The following CDON variants were observed in gnomAD, a reference collection of about 807,000 sequenced individuals.
CDON encodes cell adhesion molecule-related/down-regulated by oncogenes.
In CDON, 73 loss-of-function variants were observed where a neutral mutation model predicts 120.9. The observed-to-expected ratio is 0.60, with a 90% confidence interval of 0.50 to 0.73. CDON has a LOEUF of 0.73. Ranked by LOEUF, CDON falls within the 30% of genes least tolerant of loss-of-function variation. The pLI is 0.00. For missense variants in CDON, 1,470 were observed against 1,587.3 expected (o/e 0.93, Z 1.26); for synonymous variants, 566 against 573.5 (o/e 0.99, Z 0.19).
At chr11:126,058,997 A>G (rs960253144) in intron 1 of CDON, among the ~76,000 whole-genome samples, 3 of 152,242 alleles carry the variant, frequency 2.0e-5, no homozygotes, top group Non-Finnish European at 4.4e-5. Flanking sequence ...CATAATCTAA[A>G]TTAGAATTCT....
chr11:125,969,243 C>T (rs1429259884), intron 18 of CDON, among the ~76,000 whole-genome samples: 2 of 152,330 alleles, frequency 1.3e-5, no homozygotes, highest in East Asian at 1.9e-4. Flanking sequence ...GGTGATCCGC[C>T]TGCCTTAGTC....
At chr11:125,964,271 T>C (rs768448369) in intron 18 of CDON, among the ~76,000 whole-genome samples, 5 of 152,228 alleles carry the variant, frequency 3.3e-5, no homozygotes, top group Non-Finnish European at 7.3e-5. Flanking sequence ...TCTATATAAC[T>C]AACCTTATCT....
rs757008392 is a variant in CDON, at chr11:126,003,904, T to C, written c.2024A>G (p.Lys675Arg). 4 of 1,614,066 alleles carry C rather than the reference T, an allele frequency of 2.5e-6. No homozygotes were observed. Among genetic ancestry groups the C allele is most frequent in the Non-Finnish European group, 3.4e-6 (4 of 1,179,924 alleles). ...CTCCAAAGGAAGCCCTCACTCACCTTTGCTGGTTCGGAAGGTAAGCATGGC... is the reference window on the plus strand; with the variant it reads ...CTCCAAAGGAAGCCCTCACTCACCTCTGCTGGTTCGGAAGGTAAGCATGGC... ...QPAMLTFRTS[K>R]EKTASSKNTQ... The change falls in exon 10 of 20, where the codon AAA (lysine) becomes AGA (arginine). Residue 675 changes from lysine (K) to arginine (R), a missense_variant and splice_region_variant. Physicochemically the swap from Lys to Arg is conservative, Grantham distance 26. Transcript: ENST00000531738.
intron 2 of CDON, among the ~76,000 whole-genome samples, chr11:126,021,964 T>TG (rs1947654435): frequency 6.6e-6 from 1 of 151,938 alleles, no homozygotes; most frequent in Admixed American, 6.6e-5. Flanking sequence ...TTAGCCAATG[T>TG]GGTGGTGTAC....
chr11:126,051,591 CATA>C (rs1163262058), intron 1 of CDON, among the ~76,000 whole-genome samples: 17 of 151,974 alleles, frequency 1.1e-4, no homozygotes, highest in African/African-American at 3.1e-4. Context: ...CACCTGCTGT[CATA>C]ATAACAAATG....
intron 18 of CDON, among the ~76,000 whole-genome samples, chr11:125,970,008 G>C (rs1454156564): frequency 1.3e-5 from 2 of 152,094 alleles, no homozygotes; most frequent in Admixed American, 1.3e-4. Context: ...ATTATGTACA[G>C]AATTACTCTG....
chr11:126,038,389 C>T (rs944564915), intron 1 of CDON, among the ~76,000 whole-genome samples: 1 of 152,130 alleles, frequency 6.6e-6, no homozygotes, highest in African/African-American at 2.4e-5. Context: ...TGGTGGCTCA[C>T]GCCTGCAATC....
At chr11:126,001,671 C>T in intron 11 of CDON, 48 bp downstream of exon 11, 2 of 1,569,466 alleles carry the variant, frequency 1.3e-6, no homozygotes, top group Non-Finnish European at 1.8e-6. Flanking sequence ...AAATCTGAAG[C>T]AGGTCAGTTA....
Position 125,984,025 on chromosome 11 carries a change from T to G in CDON, c.2842A>C (p.Ser948Arg), listed in dbSNP as rs1446463345. 6.2e-7 allele frequency: 1 copy of G among 1,614,050 alleles called. No individual in the cohort carries two copies. The highest frequency in any genetic ancestry group is 1.1e-5 in the South Asian group (1 of 91,078). Reference protein sequence around the residue: ...DLSTPPNSLGSGGNVGPATSP... With the variant: ...DLSTPPNSLGRGGNVGPATSP... ...GTTGCAGGCCCCACATTTCCTCCACTTCCCAAAGAATTTGGAGGGGTACTC... is the reference window on the plus strand; with the variant it reads ...GTTGCAGGCCCCACATTTCCTCCACGTCCCAAAGAATTTGGAGGGGTACTC... The change falls in exon 16 of 20, where the codon AGT (serine) becomes CGT (arginine). Residue 948 changes from serine (S) to arginine (R), a missense_variant. Physicochemically the swap from Ser to Arg is moderately radical, Grantham distance 110. Transcript: ENST00000531738.
rs969357264 is a variant in CDON at position 126,015,658 on chromosome 11, CAAG to C, written c.929-151_929-149del. ...ACATTCTTCTGTCTGCTGTGGTAATCAAGAAAAAAATTAGAAATGTTCCACTAA... is the reference window on the plus strand; with the variant it reads ...ACATTCTTCTGTCTGCTGTGGTAATCAAAAAAATTAGAAATGTTCCACTAA... On this transcript the variant is annotated intron_variant, in intron 6 of 19. Coordinates refer to ENST00000531738, the MANE Select transcript of CDON (RefSeq NM_001378964.1). 1.4e-5 allele frequency: 12 copies of C among 835,510 alleles called. No homozygotes were observed. In the African/African-American group the frequency reaches 1.9e-4, roughly 13 times the overall value. 51.8% of individuals were successfully genotyped at this position (835,510 alleles called of 1,614,324 possible). A position where few individuals can be genotyped will look rare whatever the true frequency, so the allele number is the denominator to read the frequency against.
chr11:126,042,471 A>T (rs2084901499), intron 1 of CDON, among the ~76,000 whole-genome samples: 1 of 152,232 alleles, frequency 6.6e-6, no homozygotes, highest in African/African-American at 2.4e-5. Context: ...CAAAGCAGAC[A>T]AGAACTGGAT....
chr11:125,998,997 TACGA>T (rs1184492676), intron 11 of CDON, among the ~76,000 whole-genome samples: 1 of 151,872 alleles, frequency 6.6e-6, no homozygotes, highest in African/African-American at 2.4e-5. Context: ...TACAAATACA[TACGA>T]AAGAAGAAAA....
Position 125,977,721 on chromosome 11 carries a change from C to T in CDON, c.3356+583G>A, listed in dbSNP as rs547977002. Among the ~76,000 whole-genome samples, 251 of 152,254 alleles carry T rather than the reference C, an allele frequency of 1.6e-3. 1 individual carries two copies. The highest frequency in any genetic ancestry group is 2.4e-3 in the Non-Finnish European group (162 of 68,016). ...TATCCTATGTGTTAAATGCACATTG[C>T]TCTCCATATTTCTATCTTGTTTGAA... On this transcript the variant is annotated intron_variant, in intron 18 of 19. Transcript: ENST00000531738.
chr11:126,031,671 C>T (rs1036492394), intron 1 of CDON, among the ~76,000 whole-genome samples: 5 of 152,172 alleles, frequency 3.3e-5, no homozygotes, highest in African/African-American at 1.2e-4. Flanking sequence ...TGTGTGTGCA[C>T]CATTTCCGCG....
In CDON at chr11:126,021,449, A is replaced by G. The variant is rs1421716494; in HGVS notation, c.148T>C (p.Cys50Arg). 5.0e-6 allele frequency: 8 copies of G among 1,614,124 alleles called. No individual in the cohort carries two copies. In the East Asian group the frequency reaches 1.6e-4, roughly 31 times the overall value. The change falls in exon 3 of 20, where the codon TGT becomes CGT. Residue 50 changes from cysteine (C) to arginine (R), a missense_variant. Physicochemically the swap from Cys to Arg is radical, Grantham distance 180. Transcript: ENST00000531738. ...CGAGTGGTCACAGGTTGAGCAGAAC[A>G]ATGCAGTACTACAGGTCCACCAAGT... ...QKLGGPVVLH[C>R]SAQPVTTRIS...
chr11:125,978,176 T>C (rs1282395087), intron 18 of CDON, 128 bp downstream of exon 18: 6 of 710,710 alleles, frequency 8.4e-6, no homozygotes, highest in Middle Eastern at 2.4e-4. Context: ...CAGCTTTAAA[T>C]TTAAGATTGC....
chr11:125,995,164 T>A lies in CDON; in HGVS notation c.2363-112A>T. ...TCAAAATATGGCAATTGTGCTGAAG[T>A]ACCTATCTATACTAAAGTATCTAAA... On this transcript the variant is annotated intron_variant, in intron 12 of 19. Transcript: ENST00000531738. 3.6e-6 allele frequency: 3 copies of A among 834,238 alleles called. No homozygotes were observed. In the South Asian group the frequency reaches 4.3e-5, roughly 12 times the overall value. 51.7% of individuals were successfully genotyped at this position (834,238 alleles called of 1,614,324 possible).
At chr11:126,038,931 A>AAGCCTTCCCGCGCCATACACAGC in intron 1 of CDON, among the ~76,000 whole-genome samples, 1 of 152,224 alleles carries the variant, frequency 6.6e-6, no homozygotes, top group Non-Finnish European at 1.5e-5. Context: ...AATAAAACAT[A>AAGCCTTCCCGCGCCATACACAGC]TTACTAATTA....
chr11:126,045,926 C>T (rs1164558557), intron 1 of CDON, among the ~76,000 whole-genome samples: 6 of 151,914 alleles, frequency 3.9e-5, no homozygotes, highest in African/African-American at 7.3e-5. Context: ...GCCAGGATCA[C>T]GCCACTGCAC....
Sources: allele counts gnomAD v4.1 joint callset (sites outside exome capture counted in the v4.1 genomes callset), GRCh38; gene constraint gnomAD v4.1.1; transcripts MANE v1.5; gene names NCBI Gene and HGNC (gene_info 2026-07-23, HGNC 2026-07-21).